The following ADAMTS7 variants were observed in gnomAD, a reference collection of about 807,000 sequenced individuals.
ADAMTS7 encodes ADAM metallopeptidase with thrombospondin type 1 motif 7.
Under a neutral mutation model 172.6 loss-of-function variants are expected in ADAMTS7, and 89 were observed. The observed-to-expected ratio is 0.52, with a 90% CI of 0.43 to 0.61. The LOEUF is 0.61. ADAMTS7 is among the 20% of genes least tolerant of loss of function. The probability of loss-of-function intolerance (pLI) is 0.00; values close to 1 mark genes in which losing one functional copy is unlikely to be tolerated. For missense variants in ADAMTS7, 1,973 were observed against 2,355.6 expected, an observed-to-expected ratio of 0.84 and a Z score of 3.36; for synonymous variants, 885 against 978.4, an observed-to-expected ratio of 0.90 and a Z score of 1.78.
At chr15:78,788,904 C>T (rs1345944222) in intron 7 of ADAMTS7, among the ~76,000 whole-genome samples, 1 of 152,244 alleles carries the variant, frequency 6.6e-6, no homozygotes, top group African/African-American at 2.4e-5. Context: ...CTTTCAGAAA[C>T]ACAATCTCAC....
intron 23 of ADAMTS7, among the ~76,000 whole-genome samples, chr15:78,761,042 C>T (rs1328702273): frequency 1.3e-5 from 2 of 152,202 alleles, no homozygotes; most frequent in Non-Finnish European, 2.9e-5. Flanking sequence ...GGTGCCAGCA[C>T]CCAGCTCAGG....
chr15:78,784,748 G>T (rs1398856456), intron 8 of ADAMTS7, among the ~76,000 whole-genome samples: 5 of 152,064 alleles, frequency 3.3e-5, no homozygotes, highest in African/African-American at 1.2e-4. Context: ...AAATCACAAT[G>T]GTATGGGACC....
rs375146471 is a variant in ADAMTS7 at position 78,759,485 on chromosome 15, C to T, written c.4997G>A (p.Arg1666His). ...GCCGTGGCTGGGCGGAGAGCACGAG[C>T]GGCAGCACTGGGTGCGGATGGTGGG... Reference protein sequence around the residue: ...QLPTIRTQCCRSCSPPSHGAP... With the variant: ...QLPTIRTQCCHSCSPPSHGAP... Residue 1666 changes from arginine (R) to histidine (H), a missense_variant, in exon 24 of 24, where the codon CGC becomes CAC. Physicochemically the swap from Arg to His is conservative, Grantham distance 29 (BLOSUM62 0). Coordinates refer to ENST00000388820, the MANE Select transcript of ADAMTS7 (RefSeq NM_014272.5). 117 of 1,597,144 alleles carry T rather than the reference C, an allele frequency of 7.3e-5. No individual in the cohort carries two copies. Among genetic ancestry groups the T allele is most frequent in the Non-Finnish European group, 8.7e-5 (102 of 1,177,440 alleles).
chr15:78,787,268 A>G (rs184631719), intron 8 of ADAMTS7, among the ~76,000 whole-genome samples: 1 of 151,970 alleles, frequency 6.6e-6, no homozygotes, highest in East Asian at 1.9e-4. Flanking sequence ...ACTGCACAAA[A>G]TAAAGATGAA....
chr15:78,766,848 G>A lies in ADAMTS7; in HGVS notation c.3063C>T (p.Phe1021=), dbSNP rs745479540. 1.2e-6 allele frequency: 2 copies of A among 1,610,206 alleles called. No individual in the cohort carries two copies. Among genetic ancestry groups the A allele is most frequent in the Non-Finnish European group, 1.7e-6 (2 of 1,179,506 alleles). Residue 1021 remains phenylalanine, a synonymous_variant, in exon 19 of 24, where the codon TTC becomes TTT. Coordinates refer to ENST00000388820, the MANE Select transcript of ADAMTS7 (RefSeq NM_014272.5). ...GGCGTGGGGCCAGGTGGTGCGGGAT[G>A]AAGTCAGCCTCGTTGAAGAGCTCGT... ...SSHELFNEAD[F]IPHHLAPRPS...
Position 78,764,710 on chromosome 15 carries a change from G to T in ADAMTS7, c.4267-3C>A, listed in dbSNP as rs1283132528. ...CCCAGGCCACAGGTGGTAGAGCACTGCGGGGCAGAGACCCGTGAAAGCCAG... is the reference window on the plus strand; with the variant it reads ...CCCAGGCCACAGGTGGTAGAGCACTTCGGGGCAGAGACCCGTGAAAGCCAG... On this transcript the variant is annotated splice_polypyrimidine_tract_variant and splice_region_variant and intron_variant, in intron 19 of 23. Coordinates refer to ENST00000388820, the MANE Select transcript of ADAMTS7 (RefSeq NM_014272.5). 1.9e-5 allele frequency: 28 copies of T among 1,507,986 alleles called. No individual in the cohort carries two copies. Among genetic ancestry groups the T allele is most frequent in the Non-Finnish European group, 2.4e-5 (27 of 1,136,142 alleles). The allele number at this position is 1,507,986 out of a possible 1,614,324, so 93.4% of individuals were successfully genotyped here. A position where few individuals can be genotyped will look rare whatever the true frequency, so the allele number is the denominator to read the frequency against.
intron 8 of ADAMTS7, among the ~76,000 whole-genome samples, chr15:78,783,404 T>C (rs12050525): frequency 0.32 from 48,545 of 151,786 alleles, 8,904 homozygotes; most frequent in Non-Finnish European, 0.43. Context: ...TGAGTAGCTG[T>C]GATTACAGGC....
Position 78,800,789 on chromosome 15 carries a change from G to A in ADAMTS7, c.101-242C>T, listed in dbSNP as rs534879012. Among the ~76,000 whole-genome samples the A allele has an allele frequency of 2.8e-4, 43 of 152,254 alleles. 1 individual carries two copies. In the East Asian group the frequency reaches 8.1e-3, roughly 29 times the overall value. ...TGTGTTTTGGGTTTTTTGTTTGTTT[G>A]TTTTGAGACAGTCTCGCTCTGTCGC... On this transcript the variant is annotated intron_variant, in intron 1 of 23. Transcript: ENST00000388820.
chr15:78,766,785 G>T lies in ADAMTS7; in HGVS notation c.3126C>A (p.Gly1042=), dbSNP rs773967209. ...CTGGAGCCTCCTCCTCAATGGCGTT[G>T]CCCATGGTGCCTGGCTTGGGTGATG... ...PASSPKPGTM[G]NAIEEEAPEL... The change falls in exon 19 of 24, where the codon GGC becomes GGA. Residue 1042 remains glycine (G), a synonymous_variant. Coordinates refer to ENST00000388820, the MANE Select transcript of ADAMTS7 (RefSeq NM_014272.5). The T allele has an allele frequency of 4.3e-6, 7 of 1,610,438 alleles. No individual in the cohort carries two copies. The highest frequency in any genetic ancestry group is 2.2e-4 in the Middle Eastern group (1 of 4,454).
rs2055568822 is a variant in ADAMTS7, at chr15:78,790,773, G to A, written c.925C>T (p.His309Tyr). The A allele has an allele frequency of 6.2e-7, 1 of 1,613,876 alleles. No individual in the cohort carries two copies. The highest frequency in any genetic ancestry group is 8.5e-7 in the Non-Finnish European group (1 of 1,179,964). ...AAGCTCTTCAGGGTGTTGTCTGCATGGTGCGTGATCTTTAGGTCCTCCTGG... is the reference window on the plus strand; with the variant it reads ...AAGCTCTTCAGGGTGTTGTCTGCATAGTGCGTGATCTTTAGGTCCTCCTGG... ...DEEEDLKITH[H>Y]ADNTLKSFCK... Residue 309 changes from histidine to tyrosine, a missense_variant, in exon 6 of 24, where the codon CAT (histidine) becomes TAT (tyrosine). Coordinates refer to ENST00000388820, the MANE Select transcript of ADAMTS7 (RefSeq NM_014272.5).
chr15:78,777,533 G>A lies in ADAMTS7; in HGVS notation c.1378C>T (p.Pro460Ser), dbSNP rs1381867746. The change falls in exon 9 of 24, where the codon CCC (proline) becomes TCC (serine). Residue 460 changes from proline to serine, a missense_variant. Physicochemically the swap from Pro to Ser is moderately conservative, Grantham distance 74. Around this residue, in one of 8 missense-constraint regions of ADAMTS7, gnomAD observed 526 missense variants for 662.9 expected, o/e 0.79. Coordinates refer to ENST00000388820, the MANE Select transcript of ADAMTS7 (RefSeq NM_014272.5). ...TAGAGGACGCCAGGTGGCACCGAGG[G>A]GAAGTCGATAATGTCCTTGGCAGGA... Reference protein sequence around the residue: ...DPPAKDIIDFPSVPPGVLYDV... With the variant: ...DPPAKDIIDFSSVPPGVLYDV... 6.2e-7 allele frequency: 1 copy of A among 1,610,216 alleles called. No individual in the cohort carries two copies. Among genetic ancestry groups the A allele is most frequent in the Admixed American group, 1.7e-5 (1 of 59,492 alleles).
chr15:78,790,667 T>A lies in ADAMTS7; in HGVS notation c.1028+3A>T, dbSNP rs2055566489. ...GGCTCCCACCCTCCTGCGGCTGCAG[T>A]ACCTGGTGAGCAGGATGGCAGTGTC... On this transcript the variant is annotated splice_donor_region_variant and intron_variant, in intron 6 of 23. Coordinates refer to ENST00000388820, the MANE Select transcript of ADAMTS7 (RefSeq NM_014272.5). 17 of 1,613,360 alleles carry A rather than the reference T, an allele frequency of 1.1e-5. No individual in the cohort carries two copies. Among genetic ancestry groups the A allele is most frequent in the Non-Finnish European group, 1.4e-5 (17 of 1,179,978 alleles).
At chr15:78,787,491 T>A (rs1281148169) in intron 8 of ADAMTS7, among the ~76,000 whole-genome samples, 1 of 151,872 alleles carries the variant, frequency 6.6e-6, no homozygotes, top group Non-Finnish European at 1.5e-5. Context: ...TGGCAAAAGC[T>A]CGTCTCTACT....
chr15:78,808,393 T>C (rs2055823393), intron 1 of ADAMTS7, among the ~76,000 whole-genome samples: 1 of 152,004 alleles, frequency 6.6e-6, no homozygotes, highest in African/African-American at 2.4e-5. Context: ...TGCACCACCA[T>C]GTCCAGCTAA....
chr15:78,776,203 T>G lies in ADAMTS7; in HGVS notation c.1691A>C (p.Gln564Pro), dbSNP rs760104977. Residue 564 changes from glutamine (Q) to proline (P), a missense_variant, in exon 11 of 24, where the codon CAG (glutamine) becomes CCG (proline). By Grantham distance (76) the Gln-to-Pro change is moderately conservative (BLOSUM62 -1). Transcript: ENST00000388820. The part of the protein sequence containing the change: ...CGMGVQSAER[Q>P]CTQPTPKYKG... Reference sequence around the variant, plus strand: ...CCACACTCACGTAGGCTGCGTGCACTGCCGCTCGGCGCTCTGTACGCCCAT... The same window carrying G: ...CCACACTCACGTAGGCTGCGTGCACGGCCGCTCGGCGCTCTGTACGCCCAT... The G allele has an allele frequency of 5.0e-6, 8 of 1,610,910 alleles. No homozygotes were observed. The highest frequency in any genetic ancestry group is 5.1e-6 in the Non-Finnish European group (6 of 1,179,612).
At chr15:78,806,128 A>ACACACACACAC (rs1491145070) in intron 1 of ADAMTS7, among the ~76,000 whole-genome samples, 14 of 19,314 alleles carry the variant, frequency 7.2e-4, no homozygotes, top group African/African-American at 1.9e-3. Flanking sequence ...ACACACACAC[A>ACACACACACAC]AAAAAAAAAA....
intron 4 of ADAMTS7, among the ~76,000 whole-genome samples, chr15:78,794,244 G>T (rs1281156547): frequency 2.0e-5 from 3 of 152,052 alleles, no homozygotes; most frequent in African/African-American, 4.8e-5. Flanking sequence ...CACCTCTAAA[G>T]AAGTAAATAA....
chr15:78,773,365 C>G (rs1470724816), intron 13 of ADAMTS7, among the ~76,000 whole-genome samples, 162 bp from the exon 14 acceptor site: 13 of 150,172 alleles, frequency 8.7e-5, no homozygotes, highest in Non-Finnish European at 1.6e-4. Context: ...CCCAGGTGAA[C>G]CTCTCTACTT....
At chr15:78,783,196 C>T (rs62012655) in intron 8 of ADAMTS7, among the ~76,000 whole-genome samples, 1 of 152,198 alleles carries the variant, frequency 6.6e-6, no homozygotes, top group Non-Finnish European at 1.5e-5. Context: ...TGGAAGAGTC[C>T]TGCCCAAGTC....
Sources: allele counts gnomAD v4.1 joint callset (sites outside exome capture counted in the v4.1 genomes callset), GRCh38; gene constraint gnomAD v4.1.1; regional missense constraint gnomAD v4.1.1; transcripts MANE v1.5; gene names NCBI Gene and HGNC (gene_info 2026-07-23, HGNC 2026-07-21).